SLC25A28: variants seen among roughly 807,000 people sequenced by gnomAD.
SLC25A28 encodes solute carrier family 25 member 28, also known as mitoferrin-2.
In SLC25A28, 10 loss-of-function variants were observed where a neutral mutation model predicts 31.9. That is an observed-to-expected ratio of 0.31 (90% CI 0.19 to 0.53). SLC25A28 has a LOEUF of 0.53. Ranked by LOEUF, SLC25A28 falls within the 20% of genes least tolerant of loss-of-function variation. The pLI is 0.95. For missense variants in SLC25A28, 256 were observed against 490.3 expected (o/e 0.52, Z 4.51); for synonymous variants, 208 against 203.6 (o/e 1.02, Z -0.19).
chr10:99,632,418 T>G, the SLC25A28 span, among the ~76,000 whole-genome samples: 17 of 152,122 alleles, frequency 1.1e-4, no homozygotes, highest in Admixed American at 1.0e-3. Flanking sequence ...CAGTCCCCCA[T>G]GGATACTGAG....
the SLC25A28 span, among the ~76,000 whole-genome samples, chr10:99,629,232 C>G: frequency 4.6e-5 from 7 of 152,280 alleles, no homozygotes; most frequent in Admixed American, 3.3e-4. Context: ...AAGAGCCTGG[C>G]ACCTCCTGCC....
At chr10:99,621,033 C>A, upstream of SLC25A28, 1 of 964,558 alleles carries the variant, frequency 1.0e-6, no homozygotes, top group Non-Finnish European at 1.2e-6. Flanking sequence ...CCCGCGGGAT[C>A]TCGTCGCGGG....
rs1176302226 is a variant in SLC25A28 at position 99,613,434 on chromosome 10, T to C, written c.520+262A>G. On this transcript the variant is annotated intron_variant, in intron 2 of 3. Coordinates refer to ENST00000370495, the MANE Select transcript of SLC25A28 (RefSeq NM_031212.4). This position sits in a 1 kb window ranked among gnomAD's most constrained non-coding sequence, Gnocchi z 4.9. Reference sequence around the variant, plus strand: ...ACATTACCAGGGCATTAGAAGTTGATGCCAGGGAGATGAGAGGAACAAGTC... The same window carrying C: ...ACATTACCAGGGCATTAGAAGTTGACGCCAGGGAGATGAGAGGAACAAGTC... 2.9e-6 allele frequency: 4 copies of C among 1,356,492 alleles called. No homozygotes were observed. The highest frequency in any genetic ancestry group is 9.5e-7 in the Non-Finnish European group (1 of 1,051,306). 84.0% of individuals were successfully genotyped at this position (1,356,492 alleles called of 1,614,324 possible).
intron 1 of SLC25A28, chr10:99,616,121 C>CT: frequency 1.6e-5 from 16 of 985,366 alleles, no homozygotes; most frequent in Non-Finnish European, 1.9e-5. Context: ...GATGAAATAT[C>CT]TAAGTAAGAA....
Position 99,613,531 on chromosome 10 carries a change from G to A in SLC25A28, c.520+165C>T, listed in dbSNP as rs138224108. 38 of 1,471,262 alleles carry A rather than the reference G, an allele frequency of 2.6e-5. No homozygotes were observed. The East Asian group carries it at 4.9e-4, about 19-fold the overall frequency. 91.1% of individuals were successfully genotyped at this position (1,471,262 alleles called of 1,614,324 possible). ...CCAAAGGAAAAGGCAGGGTTGAAGC[G>A]GCCCGTTGTCTGAGAACATCAGGTT... On this transcript the variant is annotated intron_variant, in intron 2 of 3. Coordinates refer to ENST00000370495, the MANE Select transcript of SLC25A28 (RefSeq NM_031212.4). The surrounding 1 kb of genome is among the most constrained non-coding windows in gnomAD (Gnocchi z 4.9).
chr10:99,616,166 T>C, intron 1 of SLC25A28: 1 of 985,406 alleles, frequency 1.0e-6, no homozygotes, highest in Non-Finnish European at 1.2e-6. Flanking sequence ...AACTTCTACC[T>C]GGCTTTGGAG....
chr10:99,614,390 T>A (rs2034600184), intron 1 of SLC25A28, among the ~76,000 whole-genome samples: 1 of 152,240 alleles, frequency 6.6e-6, no homozygotes, highest in Admixed American at 6.5e-5. Flanking sequence ...CTAATTTTTT[T>A]ATACTTTTTC....
chr10:99,615,837 G>A (rs1188478344), intron 1 of SLC25A28: 4 of 985,264 alleles, frequency 4.1e-6, no homozygotes, highest in Non-Finnish European at 4.8e-6. Context: ...GGAATGTTCA[G>A]CAATTGCATT....
chr10:99,627,561 C>A, the SLC25A28 span, among the ~76,000 whole-genome samples: 1 of 151,682 alleles, frequency 6.6e-6, no homozygotes, highest in South Asian at 2.1e-4. Context: ...CTGCTTCTGT[C>A]CCCCAAGTAG....
chr10:99,610,938 T>C lies in SLC25A28; in HGVS notation c.1006A>G (p.Ile336Val), dbSNP rs200392495. The change falls in exon 4 of 4, where the codon ATC becomes GTC. Residue 336 changes from isoleucine (I) to valine (V), a missense_variant. By Grantham distance (29) the Ile-to-Val change is conservative. Transcript: ENST00000370495. ...GACCATGCGATGGCTGTGGAGGGGA[T>C]CTGGTAAATTACTCTGGCCTGCACC... ...RGVQARVIYQ[I>V]PSTAIAWSVY... The C allele has an allele frequency of 5.9e-5, 95 of 1,614,044 alleles. No individual in the cohort carries two copies. The highest frequency in any genetic ancestry group is 7.9e-5 in the Non-Finnish European group (93 of 1,180,044).
At chr10:99,634,851 T>C in the SLC25A28 span, among the ~76,000 whole-genome samples, 2 of 152,194 alleles carry the variant, frequency 1.3e-5, no homozygotes, top group East Asian at 1.9e-4. Flanking sequence ...CATCAGGTCA[T>C]CTAAAGTTAA....
Position 99,610,934 on chromosome 10 carries a change from G to A in SLC25A28, c.1010C>T (p.Pro337Leu), listed in dbSNP as rs780659686. ...GVQARVIYQIPSTAIAWSVYE... is the reference protein window; with the variant it reads ...GVQARVIYQILSTAIAWSVYE... Reference sequence around the variant, plus strand: ...CACAGACCATGCGATGGCTGTGGAGGGGATCTGGTAAATTACTCTGGCCTG... The same window carrying A: ...CACAGACCATGCGATGGCTGTGGAGAGGATCTGGTAAATTACTCTGGCCTG... Residue 337 changes from proline to leucine, a missense_variant, in exon 4 of 4, where the codon CCC (proline) becomes CTC (leucine). By Grantham distance (98) the Pro-to-Leu change is moderately conservative. Coordinates refer to ENST00000370495, the MANE Select transcript of SLC25A28 (RefSeq NM_031212.4). The A allele has an allele frequency of 6.2e-7, 1 of 1,614,220 alleles. No homozygotes were observed. The highest frequency in any genetic ancestry group is 8.5e-7 in the Non-Finnish European group (1 of 1,180,042).
the SLC25A28 span, among the ~76,000 whole-genome samples, chr10:99,626,310 G>A: frequency 6.6e-6 from 1 of 152,210 alleles, no homozygotes; most frequent in Non-Finnish European, 1.5e-5. Context: ...TAAGCAGTGA[G>A]GACTGAAAGG....
At chr10:99,645,766 T>C in the SLC25A28 span, among the ~76,000 whole-genome samples, 1 of 152,230 alleles carries the variant, frequency 6.6e-6, no homozygotes, top group South Asian at 2.1e-4. Flanking sequence ...TGTTTGTTAG[T>C]TTTCCTTCTA....
At chr10:99,657,729 C>A in the SLC25A28 span, among the ~76,000 whole-genome samples, 1 of 151,674 alleles carries the variant, frequency 6.6e-6, no homozygotes, top group South Asian at 2.1e-4. Flanking sequence ...TGTTTTTTGC[C>A]GCCTCCTTTC....
rs940985799 is a variant in SLC25A28 at position 99,617,373 on chromosome 10, A to T, written c.291+2672T>A. The T allele has an allele frequency of 3.0e-6, 3 of 985,326 alleles. No homozygotes were observed. In the African/African-American group the frequency reaches 5.2e-5, roughly 17 times the overall value. 61.0% of individuals were successfully genotyped at this position (985,326 alleles called of 1,614,324 possible). Reference sequence around the variant, plus strand: ...TATTTAAAGTCAACTTGACCCTGATAAGTAGCTGAGGATGGACAGGCCTGC... The same window carrying T: ...TATTTAAAGTCAACTTGACCCTGATTAGTAGCTGAGGATGGACAGGCCTGC... On this transcript the variant is annotated intron_variant, in intron 1 of 3. Transcript: ENST00000370495.
the SLC25A28 span, among the ~76,000 whole-genome samples, chr10:99,654,654 C>CAAT: frequency 1.8e-5 from 1 of 55,658 alleles, no homozygotes; most frequent in South Asian, 7.3e-4. Context: ...AGACCCATCT[C>CAAT]AATAACAACA....
chr10:99,622,501 T>C (rs950948231), upstream of SLC25A28, among the ~76,000 whole-genome samples: 1 of 152,192 alleles, frequency 6.6e-6, no homozygotes, highest in African/African-American at 2.4e-5. Context: ...TCCACCTCTA[T>C]GTCCTTTCTC....
chr10:99,648,437 C>T, the SLC25A28 span, among the ~76,000 whole-genome samples: 2 of 151,814 alleles, frequency 1.3e-5, no homozygotes, highest in Admixed American at 6.6e-5. Flanking sequence ...CTATTCAGGC[C>T]CTTTTTTGGT....
Sources: allele counts gnomAD v4.1 joint callset (sites outside exome capture counted in the v4.1 genomes callset), GRCh38; gene constraint gnomAD v4.1.1; non-coding constraint Gnocchi (gnomAD v3.1); transcripts MANE v1.5; gene names NCBI Gene and HGNC (gene_info 2026-07-23, HGNC 2026-07-21).